Variants in SKAP2 observed in about 807,000 individuals in gnomAD.
The protein encoded by SKAP2 is src kinase-associated phosphoprotein 2.
A neutral mutation model predicts 54.9 loss-of-function variants in SKAP2; 28 were observed. That is an observed-to-expected ratio of 0.51 (90% CI 0.38 to 0.70). The LOEUF is 0.70. SKAP2 is among the 30% of genes least tolerant of loss of function. SKAP2 has a pLI of 0.00. For synonymous variants in SKAP2, 137 were observed against 134.3 expected, an observed-to-expected ratio of 1.02 and a Z score of -0.14; for missense variants, 356 against 424.1, an observed-to-expected ratio of 0.84 and a Z score of 1.41.
At position 26,670,211 on chromosome 7, in the gene SKAP2, CA is replaced by C; in HGVS notation, c.988-20del. 1 of 1,107,758 alleles carries C rather than the reference CA, an allele frequency of 9.0e-7. No individual in the cohort carries two copies. Among genetic ancestry groups the C allele is most frequent in the East Asian group, 2.3e-5 (1 of 42,590 alleles). The allele number at this position is 1,107,758 out of a possible 1,614,324, so 68.6% of individuals were successfully genotyped here. The stretch of plus-strand genomic sequence containing the variant: ...TGTATTCCTAATTGAAAACAATATG[CA>C]ATATTAACCTTTAGACTGGTGTAAG... On this transcript the variant is annotated intron_variant, in intron 11 of 12. Coordinates refer to ENST00000345317, the MANE Select transcript of SKAP2 (RefSeq NM_003930.5).
chr7:26,759,019 A>T (rs1782865367), intron 4 of SKAP2, among the ~76,000 whole-genome samples: 1 of 152,212 alleles, frequency 6.6e-6, no homozygotes, highest in Admixed American at 6.5e-5. Context: ...ATATTACAAA[A>T]ATAACACAAT....
chr7:26,772,971 A>C (rs1394558740), intron 4 of SKAP2, among the ~76,000 whole-genome samples: 1 of 152,240 alleles, frequency 6.6e-6, no homozygotes, highest in African/African-American at 2.4e-5. Flanking sequence ...GCCTTTATGT[A>C]GTTTTATTAG....
chr7:26,821,970 A>G (rs574201931), intron 4 of SKAP2, among the ~76,000 whole-genome samples: 2 of 152,332 alleles, frequency 1.3e-5, no homozygotes, highest in Non-Finnish European at 2.9e-5. Context: ...CTGCCTGCTT[A>G]ATCTGATACA....
chr7:26,753,626 C>G lies in SKAP2; in HGVS notation c.308-13662G>C, dbSNP rs75086967. Reference sequence around the variant, plus strand: ...TTGTAAACATTTAATACACCTTTCACAGTAGTCTTGAGAGAGAAAGAGAGG... The same window carrying G: ...TTGTAAACATTTAATACACCTTTCAGAGTAGTCTTGAGAGAGAAAGAGAGG... On this transcript the variant is annotated intron_variant, in intron 4 of 12. Transcript: ENST00000345317. 3.9e-5 allele frequency among the ~76,000 whole-genome samples: 6 copies of G among 152,264 alleles called. No homozygotes were observed. The East Asian group carries it at 1.2e-3, about 29-fold the overall frequency.
At chr7:26,864,332 A>C (rs1314033656) in intron 1 of SKAP2, 31 bp downstream of exon 1, 3 of 1,613,210 alleles carry the variant, frequency 1.9e-6, no homozygotes, top group Non-Finnish European at 1.7e-6. Context: ...CCCCGCCCCG[A>C]CAGCATTATC....
chr7:26,714,355 GA>G (rs1787383380), intron 9 of SKAP2, among the ~76,000 whole-genome samples: 1 of 152,170 alleles, frequency 6.6e-6, no homozygotes, highest in Non-Finnish European at 1.5e-5. Flanking sequence ...GGGGCTAATG[GA>G]TAAGTGGCTA....
chr7:26,738,013 A>T (rs1436135037), intron 6 of SKAP2, among the ~76,000 whole-genome samples: 2 of 152,216 alleles, frequency 1.3e-5, no homozygotes, highest in Non-Finnish European at 2.9e-5. Context: ...TGGGAGACTG[A>T]GACAGGAAGA....
the SKAP2 span, among the ~76,000 whole-genome samples, chr7:26,654,908 A>C: frequency 1.3e-5 from 2 of 152,208 alleles, no homozygotes; most frequent in Admixed American, 1.3e-4. Flanking sequence ...CTCTTTTCAG[A>C]AGTGGCGACT....
chr7:26,704,669 G>A (rs547727770), intron 9 of SKAP2, among the ~76,000 whole-genome samples: 7 of 152,282 alleles, frequency 4.6e-5, no homozygotes, highest in African/African-American at 7.2e-5. Flanking sequence ...GCTAGAACTA[G>A]TATATTTCTG....
intron 4 of SKAP2, among the ~76,000 whole-genome samples, chr7:26,766,598 G>A (rs1038777094): frequency 2.6e-5 from 4 of 152,232 alleles, no homozygotes; most frequent in East Asian, 1.9e-4. Context: ...GTATGATATC[G>A]GCTGTGGGTT....
chr7:26,779,281 T>C (rs949200847), intron 4 of SKAP2, among the ~76,000 whole-genome samples: 2 of 152,010 alleles, frequency 1.3e-5, no homozygotes, highest in East Asian at 3.8e-4. Context: ...TACAATCATT[T>C]TTACACAGTG....
At chr7:26,798,373 C>G (rs1027833352) in intron 4 of SKAP2, among the ~76,000 whole-genome samples, 2 of 151,022 alleles carry the variant, frequency 1.3e-5, no homozygotes, top group Non-Finnish European at 3.0e-5. Flanking sequence ...AAAAAAGAAC[C>G]AAGCAGAAGT....
At chr7:26,707,261 T>C (rs1584342874) in intron 9 of SKAP2, among the ~76,000 whole-genome samples, 1 of 151,664 alleles carries the variant, frequency 6.6e-6, no homozygotes, top group Non-Finnish European at 1.5e-5. Flanking sequence ...TCGGTAGGCT[T>C]AGGTGGGAGG....
At chr7:26,673,806 A>G (rs1786292514) in intron 11 of SKAP2, among the ~76,000 whole-genome samples, 1 of 152,116 alleles carries the variant, frequency 6.6e-6, no homozygotes, top group African/African-American at 2.4e-5. Flanking sequence ...TCCCCAATTA[A>G]TATTTATTGA....
chr7:26,687,271 T>C (rs757451214), intron 10 of SKAP2, among the ~76,000 whole-genome samples: 1 of 151,224 alleles, frequency 6.6e-6, no homozygotes, highest in Non-Finnish European at 1.5e-5. Flanking sequence ...ATGTGCATCA[T>C]GAGCATTTCA....
intron 9 of SKAP2, among the ~76,000 whole-genome samples, chr7:26,705,366 CTTAA>C (rs1446460506): frequency 9.2e-5 from 14 of 152,080 alleles, no homozygotes; most frequent in Non-Finnish European, 5.9e-5. Flanking sequence ...AACCATAGTA[CTTAA>C]TTAAGGGATC....
intron 3 of SKAP2, among the ~76,000 whole-genome samples, chr7:26,845,416 T>C (rs1784901530): frequency 6.6e-6 from 1 of 152,206 alleles, no homozygotes; most frequent in Non-Finnish European, 1.5e-5. Flanking sequence ...GAGACATCTC[T>C]CATTAAGATG....
At chr7:26,782,287 A>C (rs533440171) in intron 4 of SKAP2, among the ~76,000 whole-genome samples, 13 of 152,346 alleles carry the variant, frequency 8.5e-5, no homozygotes, top group Non-Finnish European at 1.6e-4. Context: ...TCAATTAGCC[A>C]AAAAGCCTGA....
chr7:26,808,160 G>A (rs567040060), intron 4 of SKAP2, among the ~76,000 whole-genome samples: 1 of 152,082 alleles, frequency 6.6e-6, no homozygotes, highest in South Asian at 2.1e-4. Context: ...ATAGGGCTGT[G>A]GTCAAAAGTG....
Sources: gnomAD v4.1 joint callset for allele counts (sites outside exome capture counted in the v4.1 genomes callset) on GRCh38, gnomAD v4.1.1 for gene constraint, MANE v1.5 for transcripts, NCBI Gene and HGNC (gene_info 2026-07-23, HGNC 2026-07-21) for gene names.